Variants in HNRNPAB observed in about 807,000 individuals in gnomAD.
HNRNPAB encodes the protein ABBP-1.
HNRNPAB carries 17 observed loss-of-function variants against 44.1 expected under a neutral mutation model. The ratio of observed to expected loss-of-function variants is 0.39; its 90% CI spans 0.26 to 0.58. The LOEUF (loss-of-function observed/expected upper bound fraction) is 0.58, where lower values mean the gene tolerates loss of function less well. Among genes scored for constraint, HNRNPAB ranks in the 20% least tolerant of loss-of-function variants. HNRNPAB has a pLI of 0.63. For missense variants in HNRNPAB, 393 were observed against 432.7 expected (o/e 0.91, Z 0.81); for synonymous variants, 183 against 167.6 (o/e 1.09, Z -0.71).
In HNRNPAB at chr5:178,210,695, C is replaced by G; in HGVS notation, c.*72C>G. 1 of 1,234,284 alleles carries G rather than the reference C, an allele frequency of 8.1e-7. No individual in the cohort carries two copies. Among genetic ancestry groups the G allele is most frequent in the Non-Finnish European group, 1.2e-6 (1 of 838,588 alleles). The allele number at this position is 1,234,284 out of a possible 1,614,324, so 76.5% of individuals were successfully genotyped here. ...ATATGGAGTGAACACAATTATGTAC[C>G]AAATTTAACTTGGCAAACTTTCTAT... On this transcript the variant is annotated 3_prime_UTR_variant, in exon 8 of 8. Coordinates refer to ENST00000358344, the MANE Select transcript of HNRNPAB (RefSeq NM_031266.3).
At chr5:178,210,374 G>T in intron 7 of HNRNPAB, 102 bp downstream of exon 7, 1 of 1,586,420 alleles carries the variant, frequency 6.3e-7, no homozygotes, top group Admixed American at 1.8e-5. Flanking sequence ...AGTCAGACAG[G>T]CCTGGCTCAG....
At chr5:178,209,226 A>G (rs376126518) in intron 5 of HNRNPAB, 104 bp from the exon 6 acceptor site, 4 of 931,742 alleles carry the variant, frequency 4.3e-6, no homozygotes, top group East Asian at 4.9e-5. Context: ...TTCTCAGCAA[A>G]TGGACCTGAT....
rs1489666451 is a variant in HNRNPAB, at chr5:178,209,222, G to A, written c.670-108G>A. ...CCATACTAGCATATTTTGTTTCTCA[G>A]CAAATGGACCTGATCCACCATTTGA... On this transcript the variant is annotated intron_variant, in intron 5 of 7. Coordinates refer to ENST00000358344, the MANE Select transcript of HNRNPAB (RefSeq NM_031266.3). 11 of 907,988 alleles carry A rather than the reference G, an allele frequency of 1.2e-5. No individual in the cohort carries two copies. The South Asian group carries it at 1.6e-4, about 13-fold the overall frequency. 56.2% of individuals were successfully genotyped at this position (907,988 alleles called of 1,614,324 possible). A position where few individuals can be genotyped will look rare whatever the true frequency, so the allele number is the denominator to read the frequency against.
chr5:178,210,607 A>T lies in HNRNPAB; in HGVS notation c.983A>T (p.Asn328Ile). The change falls in exon 8 of 8, where the codon AAC (asparagine) becomes ATC (isoleucine). Residue 328 changes from asparagine (N) to isoleucine (I), a missense_variant. This residue lies in a region of HNRNPAB where 210 missense variants were observed against 196.9 expected (regional missense o/e 1.07). Transcript: ENST00000358344. The part of the protein sequence containing the change: ...KSQRRGGHQN[N>I]YKPY ...CAGCGACGTGGTGGCCATCAGAATA[A>T]CTACAAGCCATACTGAGGCGGCAGC... 1 of 1,614,014 alleles carries T rather than the reference A, an allele frequency of 6.2e-7. No homozygotes were observed. Among genetic ancestry groups the T allele is most frequent in the Non-Finnish European group, 8.5e-7 (1 of 1,179,900 alleles).
rs548997959 is a variant in HNRNPAB, at chr5:178,204,984, C to T, written c.147C>T (p.Ser49=). The T allele has an allele frequency of 4.1e-6, 5 of 1,209,248 alleles. No homozygotes were observed. In the South Asian group the frequency reaches 1.7e-4, roughly 40 times the overall value. 74.9% of individuals were successfully genotyped at this position (1,209,248 alleles called of 1,614,324 possible). Reference sequence around the variant, plus strand: ...GAGGCGCGACCGCGGCGCCCCCGAGCGGGAATCAGAACGGCGCCGAGGGCG... The same window carrying T: ...GAGGCGCGACCGCGGCGCCCCCGAGTGGGAATCAGAACGGCGCCGAGGGCG... ...GAGGATAAPP[S]GNQNGAEGDQ... Residue 49 remains serine (S), a synonymous_variant, in exon 2 of 8, where the codon AGC becomes AGT. Transcript: ENST00000358344.
chr5:178,205,739 G>T, intron 2 of HNRNPAB, 103 bp from the exon 3 acceptor site: 1 of 1,067,214 alleles, frequency 9.4e-7, no homozygotes, highest in Non-Finnish European at 1.4e-6. Context: ...CAGACTCTAA[G>T]GGTAGCTGTA....
chr5:178,204,952 G>A lies in HNRNPAB; in HGVS notation c.115G>A (p.Gly39Arg). Residue 39 changes from glycine (G) to arginine (R), a missense_variant, in exon 2 of 8, where the codon GGG becomes AGG. Transcript: ENST00000358344. ...PAGAGTGAAA[G>R]AGGATAAPPS... Reference sequence around the variant, plus strand: ...CGGGGCTGGCACGGGCGCCGCGGCGGGGGCTGGAGGCGCGACCGCGGCGCC... The same window carrying A: ...CGGGGCTGGCACGGGCGCCGCGGCGAGGGCTGGAGGCGCGACCGCGGCGCC... 8.3e-7 allele frequency: 1 copy of A among 1,210,374 alleles called. No individual in the cohort carries two copies. Among genetic ancestry groups the A allele is most frequent in the Non-Finnish European group, 1.0e-6 (1 of 974,156 alleles). The allele number at this position is 1,210,374 out of a possible 1,614,324, so 75.0% of individuals were successfully genotyped here.
intron 5 of HNRNPAB, among the ~76,000 whole-genome samples, chr5:178,208,262 C>A (rs980321885): frequency 6.6e-6 from 1 of 152,144 alleles, no homozygotes; most frequent in African/African-American, 2.4e-5. Flanking sequence ...AGGTGGAACT[C>A]CTGGAAGTCT....
Position 178,205,544 on chromosome 5 carries a change from T to C in HNRNPAB, c.210-298T>C, listed in dbSNP as rs563222065. 36 of 243,560 alleles carry C rather than the reference T, an allele frequency of 1.5e-4. No individual in the cohort carries two copies. In the South Asian group the frequency reaches 3.6e-3, roughly 24 times the overall value. 15.1% of individuals were successfully genotyped at this position (243,560 alleles called of 1,614,324 possible). A position where few individuals can be genotyped will look rare whatever the true frequency, so the allele number is the denominator to read the frequency against. On this transcript the variant is annotated intron_variant, in intron 2 of 7. Coordinates refer to ENST00000358344, the MANE Select transcript of HNRNPAB (RefSeq NM_031266.3). ...GTTGGTGGAGACGCTGGCCCTTTGC[T>C]ACATGGTTGTAGAACACATGAATTT... is the stretch of plus-strand genomic sequence containing the variant.
rs1561671433 is a variant in HNRNPAB, at chr5:178,210,196, G to A, written c.852G>A (p.Gln284=). Residue 284 remains glutamine (Q), a synonymous_variant, in exon 7 of 8, where the codon CAG becomes CAA. Transcript: ENST00000358344. ...GGAACCAGGGCTACGGCTACCAGCA[G>A]GGCTACGGGCCTGGCTATGGCGGCT... ...NYWNQGYGYQ[Q]GYGPGYGGYD... The A allele has an allele frequency of 1.2e-6, 2 of 1,613,120 alleles. No homozygotes were observed. The highest frequency in any genetic ancestry group is 2.2e-5 in the South Asian group (2 of 91,060).
At chr5:178,206,365 A>T (rs1757057623) in intron 3 of HNRNPAB, among the ~76,000 whole-genome samples, 3 of 152,206 alleles carry the variant, frequency 2.0e-5, no homozygotes, top group Non-Finnish European at 4.4e-5. Flanking sequence ...CCTAAGGCTC[A>T]GAAATGTAAG....
chr5:178,209,876 T>C (rs575015941), intron 6 of HNRNPAB, among the ~76,000 whole-genome samples: 1 of 151,838 alleles, frequency 6.6e-6, no homozygotes, highest in Admixed American at 6.6e-5. Context: ...AGAGTGGGAG[T>C]GATCAGAGAG....
At chr5:178,205,207 C>T (rs1756992856) in intron 2 of HNRNPAB, among the ~76,000 whole-genome samples, 161 bp downstream of exon 2, 1 of 150,750 alleles carries the variant, frequency 6.6e-6, no homozygotes, top group African/African-American at 2.4e-5. Context: ...CTGGCGCTGC[C>T]ACTCGCGCTG....
In HNRNPAB at chr5:178,210,691, G is replaced by C; in HGVS notation, c.*68G>C. 7.8e-7 allele frequency: 1 copy of C among 1,274,706 alleles called. No individual in the cohort carries two copies. Among genetic ancestry groups the C allele is most frequent in the Non-Finnish European group, 1.1e-6 (1 of 874,166 alleles). The allele number at this position is 1,274,706 out of a possible 1,614,324, so 79.0% of individuals were successfully genotyped here. On this transcript the variant is annotated 3_prime_UTR_variant, in exon 8 of 8. Transcript: ENST00000358344. ...TTGGATATGGAGTGAACACAATTAT[G>C]TACCAAATTTAACTTGGCAAACTTT... is the stretch of plus-strand genomic sequence containing the variant.
At chr5:178,210,436 GA>G in intron 7 of HNRNPAB, 116 bp from the exon 8 acceptor site, 4 of 1,510,144 alleles carry the variant, frequency 2.6e-6, no homozygotes, top group Non-Finnish European at 2.7e-6. Context: ...TTAATAACAT[GA>G]GGAAGGCAGT....
Position 178,205,057 on chromosome 5 carries a change from C to G in HNRNPAB, c.209+11C>G. On this transcript the variant is annotated intron_variant, in intron 2 of 7. Transcript: ENST00000358344. ...CGAGGAGGACGCGGGGTAGGTGCGGCCGCGGGCGGACGGGGGCGCCGCCTT... is the reference window on the plus strand; with the variant it reads ...CGAGGAGGACGCGGGGTAGGTGCGGGCGCGGGCGGACGGGGGCGCCGCCTT... 2 of 1,204,316 alleles carry G rather than the reference C, an allele frequency of 1.7e-6. No individual in the cohort carries two copies. The highest frequency in any genetic ancestry group is 2.1e-6 in the Non-Finnish European group (2 of 970,170). 74.6% of individuals were successfully genotyped at this position (1,204,316 alleles called of 1,614,324 possible). A position where few individuals can be genotyped will look rare whatever the true frequency, so the allele number is the denominator to read the frequency against.
At position 178,207,194 on chromosome 5, in the gene HNRNPAB, A is replaced by T; in HGVS notation, c.638A>T (p.Glu213Val). 6.2e-7 allele frequency: 1 copy of T among 1,614,180 alleles called. No homozygotes were observed. Among genetic ancestry groups the T allele is most frequent in the Non-Finnish European group, 8.5e-7 (1 of 1,180,028 alleles). ...GAAGAACCCGTGAAGAAGGTTCTGG[A>T]GAAAAAGTTCCATACTGTCAGTGGA... Reference protein sequence around the residue: ...KEEEPVKKVLEKKFHTVSGSK... With the variant: ...KEEEPVKKVLVKKFHTVSGSK... Residue 213 changes from glutamate (E) to valine (V), a missense_variant, in exon 5 of 8, where the codon GAG becomes GTG. By Grantham distance (121) the Glu-to-Val change is moderately radical. Around this residue, in one of 3 missense-constraint regions of HNRNPAB, gnomAD observed 210 missense variants for 196.9 expected, o/e 1.07. Coordinates refer to ENST00000358344, the MANE Select transcript of HNRNPAB (RefSeq NM_031266.3).
chr5:178,204,563 G>C lies in HNRNPAB; in HGVS notation c.-201G>C, dbSNP rs370707939. 1.3e-5 allele frequency: 3 copies of C among 229,382 alleles called. No individual in the cohort carries two copies. The highest frequency in any genetic ancestry group is 4.6e-5 in the African/African-American group (2 of 43,422). The allele number at this position is 229,382 out of a possible 1,614,324, so 14.2% of individuals were successfully genotyped here. ...GCGGCACCGCGCGGGACGGAGCTTG[G>C]CTGTTGGTCGGTGGGTTCCCGTGCG... On this transcript the variant is annotated 5_prime_UTR_variant, in exon 1 of 8. Coordinates refer to ENST00000358344, the MANE Select transcript of HNRNPAB (RefSeq NM_031266.3).
chr5:178,206,875 T>C lies in HNRNPAB; in HGVS notation c.522T>C (p.Phe174=), dbSNP rs753252260. 5 of 1,614,064 alleles carry C rather than the reference T, an allele frequency of 3.1e-6. No individual in the cohort carries two copies. Among genetic ancestry groups the C allele is most frequent in the Admixed American group, 1.7e-5 (1 of 60,002 alleles). The stretch of plus-strand genomic sequence containing the variant: ...CTGAGGAAAAGATCAGGGAGTACTT[T>C]GGCGAGTTTGGGGAGGTGAGTGTGG... ...EATEEKIREY[F]GEFGEIEAIE... is the part of the protein sequence containing the mutation. The change falls in exon 4 of 8, where the codon TTT becomes TTC. Residue 174 remains phenylalanine, a synonymous_variant. Coordinates refer to ENST00000358344, the MANE Select transcript of HNRNPAB (RefSeq NM_031266.3).
Sources: gnomAD v4.1 joint callset for allele counts (sites outside exome capture counted in the v4.1 genomes callset) on GRCh38, gnomAD v4.1.1 for gene constraint, gnomAD v4.1.1 regional missense constraint, MANE v1.5 for transcripts, NCBI Gene and HGNC (gene_info 2026-07-23, HGNC 2026-07-21) for gene names.